Variants in IL31RA observed in about 807,000 individuals in gnomAD.
The protein encoded by IL31RA is interleukin 31 receptor A, also known as interleukin-31 receptor subunit alpha.
Under a neutral mutation model 83.7 loss-of-function variants are expected in IL31RA, and 66 were observed. That is an observed-to-expected ratio of 0.79 (90% CI 0.65 to 0.97). The LOEUF is 0.97. Ranked by LOEUF, IL31RA falls within the 50% of genes least tolerant of loss-of-function variation. The pLI is 0.00. For synonymous variants in IL31RA, 325 were observed against 329.0 expected (o/e 0.99, Z 0.13); for missense variants, 798 against 919.4 (o/e 0.87, Z 1.71).
intron 2 of IL31RA, among the ~76,000 whole-genome samples, chr5:55,862,592 A>G (rs564038386): frequency 6.6e-6 from 1 of 152,242 alleles, no homozygotes; most frequent in South Asian, 2.1e-4. Flanking sequence ...TATTTTTAGT[A>G]GAGATGGGGT....
intron 7 of IL31RA, among the ~76,000 whole-genome samples, chr5:55,898,445 T>A (rs1241873386): frequency 6.6e-6 from 1 of 152,006 alleles, no homozygotes; most frequent in Non-Finnish European, 1.5e-5. Flanking sequence ...AACATACTAT[T>A]AATAAAAGCC....
chr5:55,902,269 A>G (rs1162352324), intron 8 of IL31RA: 1 of 152,150 alleles, frequency 6.6e-6, no homozygotes, highest in Non-Finnish European at 1.5e-5. Context: ...CTAAAATCTA[A>G]AATATTTGCT....
At chr5:55,915,032 A>G (rs75141845) in intron 14 of IL31RA, 104 bp downstream of exon 14, 19,817 of 877,262 alleles carry the variant, frequency 0.023, 302 homozygotes, top group South Asian at 0.039. Context: ...CAAGGTTCAC[A>G]TCAAGAGAAC....
chr5:55,840,666 G>A, the IL31RA span, among the ~76,000 whole-genome samples: 1 of 152,248 alleles, frequency 6.6e-6, no homozygotes, highest in Non-Finnish European at 1.5e-5. Context: ...AGCTTTGTAT[G>A]TTCTCTGTGT....
intron 11 of IL31RA, chr5:55,908,623 G>A: frequency 6.5e-7 from 1 of 1,549,358 alleles, no homozygotes; most frequent in African/African-American, 1.4e-5. Flanking sequence ...CAGTACCTGA[G>A]AGGAGAGTCC....
intron 2 of IL31RA, among the ~76,000 whole-genome samples, chr5:55,865,895 G>A (rs1042121687): frequency 1.3e-5 from 2 of 152,184 alleles, no homozygotes; most frequent in African/African-American, 4.8e-5. Flanking sequence ...CAAGGCTTAT[G>A]TGACTGCAGA....
At chr5:55,866,734 G>C (rs1296496069) in intron 2 of IL31RA, 2 of 152,206 alleles carry the variant, frequency 1.3e-5, no homozygotes, top group Admixed American at 6.5e-5. Context: ...GATGACCTTG[G>C]TGCATGGGAC....
chr5:55,904,186 G>A (rs1292604658), intron 8 of IL31RA, among the ~76,000 whole-genome samples: 1 of 152,154 alleles, frequency 6.6e-6, no homozygotes, highest in Non-Finnish European at 1.5e-5. Context: ...TACTTTGGGG[G>A]GATACAATTC....
At position 55,917,426 on chromosome 5, in the gene IL31RA, C is replaced by G; in HGVS notation, c.*306C>G. ...TTGAAGGAAGGGCCCAGGTTCTGAG[C>G]CCAAAGGACCCCCAGGGTGGACATA... On this transcript the variant is annotated 3_prime_UTR_variant, in exon 15 of 15. Transcript: ENST00000652347. The G allele has an allele frequency of 1.1e-6, 1 of 879,432 alleles. No homozygotes were observed. Among genetic ancestry groups the G allele is most frequent in the Non-Finnish European group, 1.5e-6 (1 of 655,262 alleles). The allele number at this position is 879,432 out of a possible 1,614,324, so 54.5% of individuals were successfully genotyped here. A position where few individuals can be genotyped will look rare whatever the true frequency, so the allele number is the denominator to read the frequency against.
chr5:55,850,275 A>G (rs181511394), upstream of IL31RA, among the ~76,000 whole-genome samples: 1 of 152,168 alleles, frequency 6.6e-6, no homozygotes, highest in Non-Finnish European at 1.5e-5. Context: ...AATTCTTGGG[A>G]ATTTTATTGT....
upstream of IL31RA, among the ~76,000 whole-genome samples, chr5:55,846,783 C>T (rs1744937815): frequency 6.6e-6 from 1 of 150,692 alleles, no homozygotes; most frequent in Non-Finnish European, 1.5e-5. Context: ...CAGAGCAAGA[C>T]TCCATCTTGG....
In IL31RA at chr5:55,922,059, G is replaced by GT. The variant is rs1262364102; in HGVS notation, c.*4939_*4940insT. ...CTTGCACTCTTATGTTGTGGCGGGG[G>GT]GGGGGGGCGGTTCCTGAAGAGTGGA... is the stretch of plus-strand genomic sequence containing the variant. On this transcript the variant is annotated 3_prime_UTR_variant, in exon 15 of 15. Transcript: ENST00000652347. Among the ~76,000 whole-genome samples the GT allele has an allele frequency of 1.4e-4, 21 of 147,174 alleles. 1 individual carries two copies. The highest frequency in any genetic ancestry group is 6.7e-4 in the Admixed American group (10 of 14,930).
At position 55,896,524 on chromosome 5, in the gene IL31RA, TCCTTC is replaced by T. The variant is rs757006839; in HGVS notation, c.852+119_852+123del. 2,937 of 636,760 alleles carry T rather than the reference TCCTTC, an allele frequency of 4.6e-3. 43 individuals carry two copies. The highest frequency in any genetic ancestry group is 0.031 in the East Asian group (964 of 31,326). 39.4% of individuals were successfully genotyped at this position (636,760 alleles called of 1,614,324 possible). On this transcript the variant is annotated intron_variant, in intron 7 of 14. Transcript: ENST00000652347. ...TCCCTCCCTTCCATCCCTTCCATCC[TCCTTC>T]CCTTCCCTTCCCTTCCCTTCCCTCC...
Position 55,917,845 on chromosome 5 carries a change from C to T in IL31RA, c.*725C>T, listed in dbSNP as rs976194028. On this transcript the variant is annotated 3_prime_UTR_variant, in exon 15 of 15. Coordinates refer to ENST00000652347, the MANE Select transcript of IL31RA (RefSeq NM_139017.7). ...CTGTCCAGTCTCCAGGGGGCCACTT[C>T]CCAGCTGCTGCTGCCCTTCTATTCA... Among the ~76,000 whole-genome samples, 1 of 141,738 alleles carries T rather than the reference C, an allele frequency of 7.1e-6. No homozygotes were observed. The highest frequency in any genetic ancestry group is 2.4e-5 in the African/African-American group (1 of 40,918). The allele number at this position is 141,738 out of a possible 152,430, so 93.0% of individuals were successfully genotyped here.
the IL31RA span, chr5:55,840,001 C>T: frequency 1.9e-6 from 1 of 535,730 alleles, no homozygotes; most frequent in Non-Finnish European, 3.5e-6. Flanking sequence ...ATAAACCCCT[C>T]GCCACCTTTG....
chr5:55,912,023 T>A (rs1749528975), intron 12 of IL31RA, among the ~76,000 whole-genome samples: 2 of 152,216 alleles, frequency 1.3e-5, no homozygotes. Flanking sequence ...TTAAATTTTT[T>A]TAAAGCTGTA....
At chr5:55,901,803 C>A (rs1405116139) in intron 8 of IL31RA, among the ~76,000 whole-genome samples, 1 of 151,638 alleles carries the variant, frequency 6.6e-6, no homozygotes, top group Non-Finnish European at 1.5e-5. Context: ...TTAGTAGCGA[C>A]GGGGTTTCTC....
At chr5:55,880,840 T>C (rs1398654251) in intron 4 of IL31RA, among the ~76,000 whole-genome samples, 1 of 152,190 alleles carries the variant, frequency 6.6e-6, no homozygotes, top group Non-Finnish European at 1.5e-5. Flanking sequence ...AATGAAAAAT[T>C]AGAAACACTA....
At chr5:55,862,473 ATC>A (rs1371237151) in intron 2 of IL31RA, among the ~76,000 whole-genome samples, 1 of 152,094 alleles carries the variant, frequency 6.6e-6, no homozygotes, top group Non-Finnish European at 1.5e-5. Flanking sequence ...CAGTGGTGCA[ATC>A]TCAGCTCACT....
Sources: allele counts gnomAD v4.1 joint callset (sites outside exome capture counted in the v4.1 genomes callset), GRCh38; gene constraint gnomAD v4.1.1; transcripts MANE v1.5; gene names NCBI Gene and HGNC (gene_info 2026-07-23, HGNC 2026-07-21).